Variants in AFAP1L1 observed in about 807,000 individuals in gnomAD.
AFAP1L1 encodes the protein actin filament-associated protein 1-like 1.
A neutral mutation model predicts 99.8 loss-of-function variants in AFAP1L1; 77 were observed. That is an observed-to-expected ratio of 0.77 (90% CI 0.64 to 0.93). The LOEUF (loss-of-function observed/expected upper bound fraction) is 0.93. Among genes scored for constraint, AFAP1L1 ranks in the 40% least tolerant of loss-of-function variants. AFAP1L1 has a pLI of 0.00. For missense variants in AFAP1L1, 893 were observed against 996.8 expected, an observed-to-expected ratio of 0.90 and a Z score of 1.40; for synonymous variants, 373 against 395.3, an observed-to-expected ratio of 0.94 and a Z score of 0.67.
intron 17 of AFAP1L1, 138 bp downstream of exon 17, chr5:149,333,011 G>A: frequency 8.2e-7 from 1 of 1,213,738 alleles, no homozygotes; most frequent in Non-Finnish European, 1.1e-6. Flanking sequence ...CCAAAGAGGT[G>A]AAGGGCATGC....
At chr5:149,305,978 G>A (rs1306703651) in intron 5 of AFAP1L1, among the ~76,000 whole-genome samples, 2 of 152,032 alleles carry the variant, frequency 1.3e-5, no homozygotes, top group African/African-American at 2.4e-5. Flanking sequence ...CTCACTGCCT[G>A]AGAAAGTCAG....
intron 1 of AFAP1L1, among the ~76,000 whole-genome samples, chr5:149,284,512 A>C (rs1755618567): frequency 6.6e-6 from 1 of 152,266 alleles, no homozygotes; most frequent in Admixed American, 6.5e-5. Flanking sequence ...CCTAAAACTC[A>C]GGTTTAGAAA....
At chr5:149,280,703 A>G (rs1755489420) in intron 1 of AFAP1L1, among the ~76,000 whole-genome samples, 1 of 152,230 alleles carries the variant, frequency 6.6e-6, no homozygotes, top group Admixed American at 6.5e-5. Flanking sequence ...AAAGCCATGC[A>G]AATTTTTTGT....
intron 17 of AFAP1L1, among the ~76,000 whole-genome samples, chr5:149,333,818 G>C (rs77954694): frequency 6.6e-6 from 1 of 152,122 alleles, no homozygotes; most frequent in Non-Finnish European, 1.5e-5. Context: ...GATGTCCCTC[G>C]GGAGAGCAAA....
intron 15 of AFAP1L1, among the ~76,000 whole-genome samples, chr5:149,327,398 T>C (rs2127602342): frequency 1.3e-5 from 2 of 152,266 alleles, no homozygotes; most frequent in East Asian, 1.9e-4. Context: ...GGCTTCATAC[T>C]GCAGGAGGAA....
chr5:149,299,918 C>T (rs1391292631), intron 2 of AFAP1L1, among the ~76,000 whole-genome samples: 2 of 151,900 alleles, frequency 1.3e-5, no homozygotes, highest in East Asian at 3.9e-4. Context: ...AACACACACA[C>T]TCACATAGAA....
At chr5:149,336,894 G>T (rs1757422075) in intron 18 of AFAP1L1, among the ~76,000 whole-genome samples, 1 of 152,146 alleles carries the variant, frequency 6.6e-6, no homozygotes, top group South Asian at 2.1e-4. Context: ...AAAAACAAAT[G>T]CCAGGCACAT....
At chr5:149,299,840 A>C (rs1756136365) in intron 2 of AFAP1L1, among the ~76,000 whole-genome samples, 1 of 148,506 alleles carries the variant, frequency 6.7e-6, no homozygotes, top group Non-Finnish European at 1.5e-5. Flanking sequence ...CTGGGGCCCC[A>C]CCTCCCCACC....
rs952019853 is a variant in AFAP1L1 at position 149,332,565 on chromosome 5, C to T, written c.1976-130C>T. Reference sequence around the variant, plus strand: ...GGAGCTGGAACCCCAAACCCAGAGTCCATCTCTTAACCAAGACTGGGGGCT... The same window carrying T: ...GGAGCTGGAACCCCAAACCCAGAGTTCATCTCTTAACCAAGACTGGGGGCT... On this transcript the variant is annotated intron_variant, in intron 16 of 18. Transcript: ENST00000296721. The T allele has an allele frequency of 1.2e-4, 111 of 926,020 alleles. 1 individual carries two copies. Among genetic ancestry groups the T allele is most frequent in the Admixed American group, 2.9e-4 (10 of 34,450 alleles). 57.4% of individuals were successfully genotyped at this position (926,020 alleles called of 1,614,324 possible).
intron 5 of AFAP1L1, among the ~76,000 whole-genome samples, chr5:149,303,748 A>G (rs1361199967): frequency 6.6e-6 from 1 of 152,236 alleles, no homozygotes; most frequent in Non-Finnish European, 1.5e-5. Flanking sequence ...AACTATTAAC[A>G]GGATTTTCCT....
At chr5:149,280,019 G>C (rs142727040) in intron 1 of AFAP1L1, among the ~76,000 whole-genome samples, 1 of 152,202 alleles carries the variant, frequency 6.6e-6, no homozygotes, top group South Asian at 2.1e-4. Flanking sequence ...CCAGGACCTA[G>C]TGTAATGCTT....
At chr5:149,291,727 G>A (rs1561664007) in intron 1 of AFAP1L1, among the ~76,000 whole-genome samples, 2 of 152,020 alleles carry the variant, frequency 1.3e-5, no homozygotes, top group South Asian at 4.1e-4. Flanking sequence ...TGTTAATACA[G>A]TATGCAGAAA....
chr5:149,276,408 T>C (rs1866377), intron 1 of AFAP1L1, among the ~76,000 whole-genome samples: 151,759 of 152,344 alleles, frequency 1, 75,592 homozygotes, highest in Middle Eastern at 1. Flanking sequence ...CAGAGGGTTT[T>C]CTGATTCACA....
intron 1 of AFAP1L1, among the ~76,000 whole-genome samples, chr5:149,273,997 A>C (rs372197084): frequency 6.6e-6 from 1 of 151,980 alleles, no homozygotes. Flanking sequence ...CCTCCAGAGC[A>C]CTCTTCCTAG....
At chr5:149,275,319 C>G (rs1273487989) in intron 1 of AFAP1L1, among the ~76,000 whole-genome samples, 1 of 152,172 alleles carries the variant, frequency 6.6e-6, no homozygotes, top group Non-Finnish European at 1.5e-5. Context: ...TGCTGGAAGT[C>G]TAAGATCAAG....
intron 1 of AFAP1L1, among the ~76,000 whole-genome samples, chr5:149,280,230 A>G (rs1755473167): frequency 6.6e-6 from 1 of 152,210 alleles, no homozygotes; most frequent in Admixed American, 6.5e-5. Context: ...TATACAGTCA[A>G]ATCCCAAATC....
At position 149,271,903 on chromosome 5, in the gene AFAP1L1, GC is replaced by G; in HGVS notation, c.-64del. 1 of 1,179,038 alleles carries G rather than the reference GC, an allele frequency of 8.5e-7. No individual in the cohort carries two copies. The highest frequency in any genetic ancestry group is 1.1e-6 in the Non-Finnish European group (1 of 947,614). 73.0% of individuals were successfully genotyped at this position (1,179,038 alleles called of 1,614,324 possible). On this transcript the variant is annotated 5_prime_UTR_variant, in exon 1 of 19. Transcript: ENST00000296721. ...GCTGGCCTGAGAGCGCAGCGCGCCGGCCGCTACCAGCCGCGCCGGAGCCCCT... is the reference window on the plus strand; with the variant it reads ...GCTGGCCTGAGAGCGCAGCGCGCCGGCGCTACCAGCCGCGCCGGAGCCCCT...
chr5:149,316,332 G>A (rs369729641), intron 11 of AFAP1L1, 29 bp downstream of exon 11: 31 of 1,606,076 alleles, frequency 1.9e-5, no homozygotes, highest in Non-Finnish European at 2.5e-5. Flanking sequence ...GAGGAAGGGT[G>A]CTCAGGTCCT....
At chr5:149,274,775 A>C (rs1755257662) in intron 1 of AFAP1L1, among the ~76,000 whole-genome samples, 1 of 150,692 alleles carries the variant, frequency 6.6e-6, no homozygotes, top group African/African-American at 2.5e-5. Context: ...GCTACTCGAG[A>C]GGCTGCGACA....
Sources: gnomAD v4.1 joint callset for allele counts (sites outside exome capture counted in the v4.1 genomes callset) on GRCh38, gnomAD v4.1.1 for gene constraint, MANE v1.5 for transcripts, NCBI Gene and HGNC (gene_info 2026-07-23, HGNC 2026-07-21) for gene names.